Variants in PCDHA3 observed in about 807,000 individuals in gnomAD.
PCDHA3 encodes the protein protocadherin alpha-3.
Under a neutral mutation model 62.2 loss-of-function variants are expected in PCDHA3, and 41 were observed. That is an observed-to-expected ratio of 0.66 (90% CI 0.51 to 0.86). The LOEUF (loss-of-function observed/expected upper bound fraction) is 0.86. Among genes scored for constraint, PCDHA3 ranks in the 40% least tolerant of loss-of-function variants. The pLI is 0.00. For missense variants in PCDHA3, 1,304 were observed against 1,241.2 expected (o/e 1.05, Z -0.76); for synonymous variants, 640 against 555.4 (o/e 1.15, Z -2.14).
At chr5:140,884,483 C>T (rs376374275) in intron 1 of PCDHA3, 3 of 1,613,862 alleles carry the variant, frequency 1.9e-6, no homozygotes, top group East Asian at 4.5e-5. Flanking sequence ...CAAGCCCACT[C>T]TAGTGTGCTC....
At chr5:140,834,279 T>C in intron 1 of PCDHA3, 4 of 1,100,284 alleles carry the variant, frequency 3.6e-6, no homozygotes, top group Non-Finnish European at 5.3e-6. Context: ...ACTCTTTGGA[T>C]GCACAACAAT....
At chr5:140,924,762 G>A (rs1554202136) in intron 1 of PCDHA3, among the ~76,000 whole-genome samples, 1 of 151,856 alleles carries the variant, frequency 6.6e-6, no homozygotes, top group Non-Finnish European at 1.5e-5. Context: ...GAGCATGGTG[G>A]TGCGCGCTTG....
intron 1 of PCDHA3, chr5:140,828,532 G>T: frequency 6.2e-7 from 1 of 1,614,280 alleles, no homozygotes; most frequent in Non-Finnish European, 8.5e-7. Context: ...AATCTAGGCT[G>T]CCAGATTCTG....
chr5:140,944,136 G>A (rs536816208), intron 1 of PCDHA3, among the ~76,000 whole-genome samples: 3 of 152,136 alleles, frequency 2.0e-5, no homozygotes, highest in African/African-American at 7.2e-5. Context: ...AAAGGTTGAA[G>A]ATTAGAAGAG....
intron 1 of PCDHA3, among the ~76,000 whole-genome samples, chr5:140,838,702 G>A (rs1775843777): frequency 6.6e-6 from 1 of 152,008 alleles, no homozygotes; most frequent in South Asian, 2.1e-4. Context: ...TCGGGAGGCC[G>A]AGGCAGGAGG....
chr5:140,830,089 G>T, intron 1 of PCDHA3: 1 of 1,613,632 alleles, frequency 6.2e-7, no homozygotes, highest in African/African-American at 1.3e-5. Context: ...CCACGGTTCT[G>T]GTGTCGCTGG....
At position 140,803,158 on chromosome 5, in the gene PCDHA3, A is replaced by G; in HGVS notation, c.1961A>G (p.His654Arg). 2 of 1,613,890 alleles carry G rather than the reference A, an allele frequency of 1.2e-6. No individual in the cohort carries two copies. The highest frequency in any genetic ancestry group is 1.1e-5 in the South Asian group (1 of 91,078). The change falls in exon 1 of 4, where the codon CAC (histidine) becomes CGC (arginine). Residue 654 changes from histidine to arginine, a missense_variant. Transcript: ENST00000522353. ...CGCCTACTGGTGCTGGTGAAGGACCACGGTGAACCCTCATTGACCGCCACG... is the reference window on the plus strand; with the variant it reads ...CGCCTACTGGTGCTGGTGAAGGACCGCGGTGAACCCTCATTGACCGCCACG... ...RHRLLVLVKD[H>R]GEPSLTATAT...
intron 1 of PCDHA3, chr5:140,822,354 G>T: frequency 6.2e-7 from 1 of 1,614,096 alleles, no homozygotes; most frequent in Non-Finnish European, 8.5e-7. Context: ...TTTTAGAGCT[G>T]GTTTTGAGGA....
intron 1 of PCDHA3, among the ~76,000 whole-genome samples, chr5:140,976,550 C>CATAA (rs782672542): frequency 1.5e-4 from 23 of 152,064 alleles, no homozygotes; most frequent in African/African-American, 4.6e-4. Flanking sequence ...GACCCTATCT[C>CATAA]ATAAATAAAT....
At chr5:140,868,887 G>A in intron 1 of PCDHA3, 1 of 740,170 alleles carries the variant, frequency 1.4e-6, no homozygotes, top group Admixed American at 3.1e-5. Context: ...CACAGTTTTA[G>A]GCGCAAGGTG....
chr5:140,973,391 A>G (rs1466546487), intron 1 of PCDHA3, among the ~76,000 whole-genome samples: 1 of 152,232 alleles, frequency 6.6e-6, no homozygotes, highest in East Asian at 1.9e-4. Context: ...AGACAAAGAA[A>G]TCATATCTAT....
chr5:140,862,502 G>A (rs2047397445), intron 1 of PCDHA3: 2 of 398,710 alleles, frequency 5.0e-6, no homozygotes, highest in Non-Finnish European at 5.0e-6. Flanking sequence ...TCGGAATGGG[G>A]ACTCGCTTTC....
intron 1 of PCDHA3, chr5:140,822,175 A>C (rs2150114299): frequency 6.2e-7 from 1 of 1,614,258 alleles, no homozygotes; most frequent in South Asian, 1.1e-5. Context: ...CAGGTTCTCC[A>C]GACAAGAACA....
At chr5:140,870,977 T>C in intron 1 of PCDHA3, 2 of 1,613,584 alleles carry the variant, frequency 1.2e-6, no homozygotes. Context: ...CGCGTGGGGC[T>C]GTACACGGGC....
intron 1 of PCDHA3, chr5:140,929,973 G>A (rs955255771): frequency 6.6e-6 from 1 of 152,136 alleles, no homozygotes; most frequent in Non-Finnish European, 1.5e-5. Context: ...TTTGGTGAAG[G>A]TGTCTTCTTT....
At chr5:140,986,940 G>A (rs1371744170) in intron 3 of PCDHA3, among the ~76,000 whole-genome samples, 1 of 152,280 alleles carries the variant, frequency 6.6e-6, no homozygotes, top group South Asian at 2.1e-4. Flanking sequence ...GAGGCTGGGT[G>A]TGGTCGCTCA....
At chr5:140,986,151 G>A (rs547474191) in intron 3 of PCDHA3, among the ~76,000 whole-genome samples, 1 of 152,198 alleles carries the variant, frequency 6.6e-6, no homozygotes, top group African/African-American at 2.4e-5. Flanking sequence ...GCATCACCAA[G>A]TAATGTTTTC....
Position 140,809,367 on chromosome 5 carries a change from C to T in PCDHA3, c.2394+5776C>T, listed in dbSNP as rs543555386. 6.2e-6 allele frequency: 10 copies of T among 1,613,970 alleles called. No individual in the cohort carries two copies. In the South Asian group the frequency reaches 1.1e-4, roughly 18 times the overall value. On this transcript the variant is annotated intron_variant, in intron 1 of 3. Transcript: ENST00000522353. The stretch of plus-strand genomic sequence containing the variant: ...ACCGCGCTGCGGTGCTCTGCGCTGC[C>T]CACCGAGGGCGCGTGCGCTCCGGGC...
At chr5:140,860,559 A>G (rs2046453959) in intron 1 of PCDHA3, 1 of 152,222 alleles carries the variant, frequency 6.6e-6, no homozygotes, top group African/African-American at 2.4e-5. Flanking sequence ...TTGAAGAGGT[A>G]CTGATCATAC....
Sources: gnomAD v4.1 joint callset for allele counts (sites outside exome capture counted in the v4.1 genomes callset) on GRCh38, gnomAD v4.1.1 for gene constraint, MANE v1.5 for transcripts, NCBI Gene and HGNC (gene_info 2026-07-23, HGNC 2026-07-21) for gene names.